Variants in SLC30A8 observed in about 807,000 individuals in gnomAD.
SLC30A8 encodes the protein solute carrier family 30 member 8, also known as proton-coupled zinc antiporter SLC30A8.
Under a neutral mutation model 36.9 loss-of-function variants are expected in SLC30A8, and 27 were observed. The ratio of observed to expected loss-of-function variants is 0.73; its 90% CI spans 0.54 to 1.01. The LOEUF is 1.01. SLC30A8 is among the 50% of genes least tolerant of loss of function. The probability of loss-of-function intolerance (pLI) is 0.00; values close to 1 mark genes in which losing one functional copy is unlikely to be tolerated. For missense variants in SLC30A8, 439 were observed against 452.0 expected, an observed-to-expected ratio of 0.97 and a Z score of 0.26; for synonymous variants, 164 against 172.4, an observed-to-expected ratio of 0.95 and a Z score of 0.38.
At chr8:117,150,460 A>G (rs138844159) in intron 2 of SLC30A8, among the ~76,000 whole-genome samples, 6 of 152,272 alleles carry the variant, frequency 3.9e-5, no homozygotes, top group Non-Finnish European at 8.8e-5. Context: ...CAAGTCTTCC[A>G]GGTCTGAGTC....
intron 1 of SLC30A8, among the ~76,000 whole-genome samples, chr8:117,025,232 G>A (rs1432689639): frequency 6.6e-6 from 1 of 152,146 alleles, no homozygotes; most frequent in Admixed American, 6.5e-5. Context: ...ATAAGTTGTC[G>A]ATAGGTTTGG....
At chr8:117,161,708 G>C (rs1232892456) in intron 4 of SLC30A8, 30 bp from the exon 5 acceptor site, 1 of 1,592,244 alleles carries the variant, frequency 6.3e-7, no homozygotes, top group Non-Finnish European at 8.6e-7. Flanking sequence ...CTGACCTCAT[G>C]TGTGCTAAGA....
At chr8:117,070,704 CT>C (rs1166687016) in intron 2 of SLC30A8, among the ~76,000 whole-genome samples, 1 of 152,158 alleles carries the variant, frequency 6.6e-6, no homozygotes, top group Non-Finnish European at 1.5e-5. Flanking sequence ...CTATCTAAAA[CT>C]TTGTACTCTT....
intron 1 of SLC30A8, chr8:117,006,972 TTTTTTTTTTTTTC>T (rs1419261829): frequency 3.0e-5 from 3 of 100,318 alleles, no homozygotes; most frequent in African/African-American, 1.1e-4. Context: ...TTTTTTTTTT[TTTTTTTTTTTTTC>T]TGTAGAGACA....
intron 1 of SLC30A8, among the ~76,000 whole-genome samples, chr8:116,972,477 C>T (rs150988283): frequency 4.6e-5 from 7 of 152,284 alleles, no homozygotes; most frequent in African/African-American, 9.6e-5. Flanking sequence ...TGGGAAGAGA[C>T]GTAGAAAAGA....
chr8:117,122,331 CCATT>C (rs1241729231), intron 2 of SLC30A8, among the ~76,000 whole-genome samples: 1 of 151,942 alleles, frequency 6.6e-6, no homozygotes, highest in Non-Finnish European at 1.5e-5. Flanking sequence ...ATTCTAAGCA[CCATT>C]CATTATCTCA....
chr8:116,972,100 CCA>C (rs1293744984), intron 1 of SLC30A8, among the ~76,000 whole-genome samples: 3 of 152,180 alleles, frequency 2.0e-5, no homozygotes, highest in Admixed American at 2.0e-4. Context: ...TGGAAAAGAA[CCA>C]GTTATGTAAT....
At chr8:117,080,043 T>G (rs1818620069) in intron 2 of SLC30A8, among the ~76,000 whole-genome samples, 1 of 152,178 alleles carries the variant, frequency 6.6e-6, no homozygotes, top group Admixed American at 6.5e-5. Flanking sequence ...AGTAAGGAAA[T>G]GGAGTACAGA....
chr8:117,167,736 ATGTAATTACCACCCT>A (rs1288146083), intron 6 of SLC30A8, among the ~76,000 whole-genome samples: 1 of 152,136 alleles, frequency 6.6e-6, no homozygotes, highest in Non-Finnish European at 1.5e-5. Flanking sequence ...ATAAACAATG[ATGTAATTACCACCCT>A]TGTACATATA....
At chr8:117,000,593 A>G (rs938699671) in intron 1 of SLC30A8, among the ~76,000 whole-genome samples, 1 of 152,202 alleles carries the variant, frequency 6.6e-6, no homozygotes, top group Non-Finnish European at 1.5e-5. Context: ...TATTAATCCA[A>G]ATTATTTGGC....
chr8:117,050,090 C>T (rs1411135104), intron 2 of SLC30A8, among the ~76,000 whole-genome samples: 3 of 152,186 alleles, frequency 2.0e-5, no homozygotes, highest in Admixed American at 2.0e-4. Context: ...AGCATGCTCT[C>T]TTCCACATCA....
intron 1 of SLC30A8, among the ~76,000 whole-genome samples, chr8:117,012,379 TC>T (rs753580640): frequency 1.3e-5 from 2 of 151,858 alleles, no homozygotes; most frequent in Non-Finnish European, 2.9e-5. Flanking sequence ...ATTCCAGACT[TC>T]CCAGTGAAGT....
intron 2 of SLC30A8, among the ~76,000 whole-genome samples, chr8:117,114,611 C>T (rs1820366030): frequency 6.6e-6 from 1 of 151,974 alleles, no homozygotes; most frequent in Non-Finnish European, 1.5e-5. Context: ...GTTAAGTAAG[C>T]CAAAGGGTCT....
At chr8:116,992,295 G>A (rs541369884) in intron 1 of SLC30A8, among the ~76,000 whole-genome samples, 1 of 152,116 alleles carries the variant, frequency 6.6e-6, no homozygotes, top group Non-Finnish European at 1.5e-5. Context: ...TTTGCAATGA[G>A]CGAGTAACTT....
intron 2 of SLC30A8, among the ~76,000 whole-genome samples, chr8:117,054,581 A>G (rs1468050268): frequency 6.6e-6 from 1 of 152,042 alleles, no homozygotes; most frequent in East Asian, 1.9e-4. Context: ...ATTAGCACTG[A>G]ACAAGTTTCT....
intron 2 of SLC30A8, among the ~76,000 whole-genome samples, chr8:117,058,055 T>A (rs192829143): frequency 2.6e-5 from 4 of 152,338 alleles, no homozygotes; most frequent in African/African-American, 2.4e-5. Flanking sequence ...ACACTTGTTA[T>A]CTCATGTCTT....
intron 1 of SLC30A8, among the ~76,000 whole-genome samples, chr8:116,989,321 A>T (rs545167407): frequency 6.6e-6 from 1 of 152,172 alleles, no homozygotes; most frequent in Non-Finnish European, 1.5e-5. Flanking sequence ...ATTGCCAATG[A>T]TTTAAGCTAA....
intron 1 of SLC30A8, among the ~76,000 whole-genome samples, chr8:116,971,971 A>G (rs974911162): frequency 2.6e-5 from 4 of 152,218 alleles, no homozygotes; most frequent in Non-Finnish European, 5.9e-5. Flanking sequence ...TGAGATATAT[A>G]TACTAATAAA....
At position 117,153,024 on chromosome 8, in the gene SLC30A8, C is replaced by G; in HGVS notation, c.352C>G (p.Leu118Val). The G allele has an allele frequency of 6.2e-7, 1 of 1,613,688 alleles. No individual in the cohort carries two copies. The highest frequency in any genetic ancestry group is 1.1e-5 in the South Asian group (1 of 91,010). The change falls in exon 3 of 8, where the codon CTC becomes GTC. Residue 118 changes from leucine (L) to valine (V), a missense_variant. Leu to Val is a conservative substitution (Grantham distance 32). Coordinates refer to ENST00000456015, the MANE Select transcript of SLC30A8 (RefSeq NM_173851.3). ...LIDLTSFLLS[L>V]FSLWLSSKPP... is the part of the protein sequence containing the mutation. ...TGACCTGACCAGTTTCCTGCTCAGT[C>G]TCTTCTCCCTGTGGTTGTCATCGAA...
Sources: gnomAD v4.1 joint callset for allele counts (sites outside exome capture counted in the v4.1 genomes callset) on GRCh38, gnomAD v4.1.1 for gene constraint, MANE v1.5 for transcripts, NCBI Gene and HGNC (gene_info 2026-07-23, HGNC 2026-07-21) for gene names.